Variants in VGLL4 observed in about 807,000 individuals in gnomAD.
VGLL4 encodes transcription cofactor vestigial-like protein 4.
VGLL4 carries 7 observed loss-of-function variants against 21.0 expected under a neutral mutation model. The ratio of observed to expected loss-of-function variants is 0.33; its 90% CI spans 0.19 to 0.63. The LOEUF (loss-of-function observed/expected upper bound fraction) is 0.63. Ranked by LOEUF, VGLL4 falls within the 20% of genes least tolerant of loss-of-function variation. VGLL4 has a pLI of 0.78. For missense variants in VGLL4, 394 were observed against 425.7 expected (o/e 0.93, Z 0.66); for synonymous variants, 222 against 173.2 (o/e 1.28, Z -2.21).
At chr3:11,644,732 G>T (rs1338578886), upstream of VGLL4, among the ~76,000 whole-genome samples, 2 of 151,536 alleles carry the variant, frequency 1.3e-5, no homozygotes, top group Non-Finnish European at 2.9e-5. Flanking sequence ...TGTAGTCCCA[G>T]CTACTCAGGA....
chr3:11,568,133 G>A lies in VGLL4; in HGVS notation c.273-3114C>T, dbSNP rs2073619252. ...TCCCAAGTGACAGCTCTGGATCCGG[G>A]CAAGGATAAAGACACCCCCGGGTGG... On this transcript the variant is annotated intron_variant, in intron 2 of 4. Transcript: ENST00000430365. This position sits in a 1 kb window ranked among gnomAD's most constrained non-coding sequence, Gnocchi z 5.9. Among the ~76,000 whole-genome samples, 1 of 152,338 alleles carries A rather than the reference G, an allele frequency of 6.6e-6. No homozygotes were observed. The highest frequency in any genetic ancestry group is 2.1e-4 in the South Asian group (1 of 4,832).
chr3:11,556,869 G>A lies in VGLL4; in HGVS notation c.*1687C>T, dbSNP rs532083410. 2.0e-5 allele frequency: 3 copies of A among 152,910 alleles called. No individual in the cohort carries two copies. The highest frequency in any genetic ancestry group is 7.2e-5 in the African/African-American group (3 of 41,582). The allele number at this position is 152,910 out of a possible 1,614,324, so 9.5% of individuals were successfully genotyped here. A position where few individuals can be genotyped will look rare whatever the true frequency, so the allele number is the denominator to read the frequency against. ...CCAGTACAGTGGGAGTGAAATGTGT[G>A]CGGGGCAAGGAGAAGGGCTTTTCTT... On this transcript the variant is annotated 3_prime_UTR_variant, in exon 5 of 5. Transcript: ENST00000430365.
intron 2 of VGLL4, among the ~76,000 whole-genome samples, chr3:11,585,502 T>TA (rs2074341682): frequency 1.3e-5 from 2 of 151,568 alleles, no homozygotes. Flanking sequence ...TATTTATAAG[T>TA]AAAAAATTGA....
At chr3:11,671,419 A>G (rs1456486149) in intron 2 of VGLL4, 8 of 795,312 alleles carry the variant, frequency 1.0e-5, no homozygotes, top group Non-Finnish European at 1.8e-5. Flanking sequence ...TAAGTAACAA[A>G]GAGGTAGAAA....
chr3:11,596,233 C>T (rs2074636951), intron 2 of VGLL4, among the ~76,000 whole-genome samples: 1 of 152,042 alleles, frequency 6.6e-6, no homozygotes, highest in Non-Finnish European at 1.5e-5. Flanking sequence ...TGGAAAAAGT[C>T]TAAAACTGAA....
intron 2 of VGLL4, among the ~76,000 whole-genome samples, chr3:11,666,534 T>C (rs1361073602): frequency 6.6e-6 from 1 of 152,178 alleles, no homozygotes; most frequent in African/African-American, 2.4e-5. Flanking sequence ...GTCACAGTGA[T>C]GGCAAAAAGT....
chr3:11,576,963 C>T (rs2125210784), intron 2 of VGLL4, among the ~76,000 whole-genome samples: 1 of 152,352 alleles, frequency 6.6e-6, no homozygotes, highest in South Asian at 2.1e-4. Flanking sequence ...CTGTCTAGAA[C>T]AGGGCCTGGC....
At chr3:11,619,959 G>A (rs180969228) in intron 1 of VGLL4, among the ~76,000 whole-genome samples, 2 of 152,276 alleles carry the variant, frequency 1.3e-5, no homozygotes, top group Admixed American at 1.3e-4. Context: ...AGACTTTTCA[G>A]GGAATTGACT....
chr3:11,639,886 A>G (rs999135290), intron 1 of VGLL4, among the ~76,000 whole-genome samples: 1 of 152,172 alleles, frequency 6.6e-6, no homozygotes, highest in Non-Finnish European at 1.5e-5. Flanking sequence ...AAAAGAAAAA[A>G]AAAAGACATG....
chr3:11,685,821 T>A (rs186960595), intron 2 of VGLL4, among the ~76,000 whole-genome samples: 1 of 152,198 alleles, frequency 6.6e-6, no homozygotes, highest in Admixed American at 6.5e-5. Flanking sequence ...TGCTGCACTC[T>A]AGCTTGGGTG....
chr3:11,692,888 G>A (rs745709778), intron 2 of VGLL4, among the ~76,000 whole-genome samples: 1 of 152,104 alleles, frequency 6.6e-6, no homozygotes, highest in Non-Finnish European at 1.5e-5. Context: ...ATGAAAATAG[G>A]CCAGGCGCAG....
chr3:11,649,529 T>C (rs2075838624), intron 2 of VGLL4, among the ~76,000 whole-genome samples: 1 of 152,210 alleles, frequency 6.6e-6, no homozygotes, highest in African/African-American at 2.4e-5. Flanking sequence ...AATGAAATAA[T>C]ATTCCCTGGT....
intron 2 of VGLL4, among the ~76,000 whole-genome samples, chr3:11,574,108 C>T (rs2073956897): frequency 1.3e-5 from 2 of 152,194 alleles, no homozygotes; most frequent in South Asian, 2.1e-4. Context: ...TGATCTCAGG[C>T]ACCAGGAACG....
chr3:11,676,185 A>C (rs1172993497), intron 2 of VGLL4, among the ~76,000 whole-genome samples: 5 of 152,056 alleles, frequency 3.3e-5, no homozygotes. Flanking sequence ...CAGGATATCG[A>C]GACCATCCTG....
At chr3:11,702,143 AT>A (rs978005584) in intron 2 of VGLL4, among the ~76,000 whole-genome samples, 1 of 151,886 alleles carries the variant, frequency 6.6e-6, no homozygotes, top group Non-Finnish European at 1.5e-5. Flanking sequence ...ACGTTCGATG[AT>A]TTTTTTTCCC....
At chr3:11,577,539 GC>G (rs1313049408) in intron 2 of VGLL4, among the ~76,000 whole-genome samples, 1 of 152,142 alleles carries the variant, frequency 6.6e-6, no homozygotes, top group Non-Finnish European at 1.5e-5. Context: ...GCTGCAGTGA[GC>G]CGAGATCATG....
rs746876775 is a variant in VGLL4, at chr3:11,565,144, G to C, written c.273-125C>G. 4.0e-6 allele frequency: 4 copies of C among 998,240 alleles called. No individual in the cohort carries two copies. The highest frequency in any genetic ancestry group is 5.4e-6 in the Non-Finnish European group (4 of 745,268). The allele number at this position is 998,240 out of a possible 1,614,324, so 61.8% of individuals were successfully genotyped here. A position where few individuals can be genotyped will look rare whatever the true frequency, so the allele number is the denominator to read the frequency against. On this transcript the variant is annotated intron_variant, in intron 2 of 4. Transcript: ENST00000430365. The surrounding 1 kb of genome is among the most constrained non-coding windows in gnomAD (Gnocchi z 4.1). ...CCTGAAGCTCAGGTCGTGTGGCTGG[G>C]CAGCACGATGAGGAGCCGGTTGCCA...
chr3:11,701,062 C>T (rs1053447901), intron 2 of VGLL4, among the ~76,000 whole-genome samples: 1 of 151,978 alleles, frequency 6.6e-6, no homozygotes, highest in Non-Finnish European at 1.5e-5. Context: ...GGTGGGAAGA[C>T]ACAGACGCAT....
chr3:11,685,387 C>T (rs1352786849), intron 2 of VGLL4, among the ~76,000 whole-genome samples: 1 of 151,966 alleles, frequency 6.6e-6, no homozygotes, highest in Non-Finnish European at 1.5e-5. Flanking sequence ...TTAGTGGAGA[C>T]GGGGTTTCAT....
Sources: gnomAD v4.1 joint callset for allele counts (sites outside exome capture counted in the v4.1 genomes callset) on GRCh38, gnomAD v4.1.1 for gene constraint, Gnocchi (gnomAD v3.1) non-coding constraint, MANE v1.5 for transcripts, NCBI Gene and HGNC (gene_info 2026-07-23, HGNC 2026-07-21) for gene names.